ATP2C2: variants seen among roughly 807,000 people sequenced by gnomAD.
The protein encoded by ATP2C2 is calcium-transporting ATPase type 2C member 2.
A neutral mutation model predicts 110.8 loss-of-function variants in ATP2C2; 171 were observed. That is an observed-to-expected ratio of 1.54 (90% CI 1.36 to 1.75). The LOEUF is 1.75. Among genes scored for constraint, ATP2C2 ranks in the 40% most tolerant of loss-of-function variants. ATP2C2 has a pLI of 0.00. For synonymous variants in ATP2C2, 804 were observed against 508.4 expected (o/e 1.58, Z -7.82); for missense variants, 1,963 against 1,235.0 (o/e 1.59, Z -8.84).
At chr16:84,447,945 C>G (rs908046405) in intron 16 of ATP2C2, among the ~76,000 whole-genome samples, 3 of 151,474 alleles carry the variant, frequency 2.0e-5, no homozygotes, top group African/African-American at 7.3e-5. Flanking sequence ...ACACTGTGCA[C>G]CCACGTGAGC....
At chr16:84,391,151 A>G (rs985990051) in intron 1 of ATP2C2, among the ~76,000 whole-genome samples, 9 of 149,500 alleles carry the variant, frequency 6.0e-5, no homozygotes, top group African/African-American at 2.2e-4. Context: ...GAAGAAGGGA[A>G]GGTTTGGTTC....
intron 1 of ATP2C2, among the ~76,000 whole-genome samples, chr16:84,388,365 C>T (rs145046066): frequency 6.6e-6 from 1 of 152,128 alleles, no homozygotes. Context: ...CCTTTGAACA[C>T]ATCAGTCAGA....
chr16:84,424,254 G>A (rs1907602804), intron 10 of ATP2C2, among the ~76,000 whole-genome samples: 1 of 152,156 alleles, frequency 6.6e-6, no homozygotes, highest in African/African-American at 2.4e-5. Context: ...CATGTCCACA[G>A]CAAGACCCAT....
intron 1 of ATP2C2, among the ~76,000 whole-genome samples, chr16:84,378,826 G>T (rs1053448049): frequency 6.6e-6 from 1 of 152,228 alleles, no homozygotes; most frequent in African/African-American, 2.4e-5. Context: ...GACACACGAA[G>T]CCATGAACGT....
intron 17 of ATP2C2, among the ~76,000 whole-genome samples, chr16:84,450,061 G>T (rs753249059): frequency 6.6e-6 from 1 of 152,374 alleles, no homozygotes; most frequent in East Asian, 1.9e-4. Flanking sequence ...GTAATGACGC[G>T]TTCCAGGGAC....
chr16:84,378,004 A>T (rs1597728414), intron 1 of ATP2C2, among the ~76,000 whole-genome samples: 1 of 152,056 alleles, frequency 6.6e-6, no homozygotes, highest in African/African-American at 2.4e-5. Context: ...TCAGCAGAGG[A>T]TGTGTTGTTT....
chr16:84,389,878 G>A (rs1028343050), intron 1 of ATP2C2, among the ~76,000 whole-genome samples: 22 of 152,026 alleles, frequency 1.4e-4, no homozygotes, highest in African/African-American at 4.8e-4. Flanking sequence ...GTGCTATCAC[G>A]TTTGGCTAAC....
At chr16:84,432,962 C>T (rs1489093200) in intron 11 of ATP2C2, among the ~76,000 whole-genome samples, 2 of 152,200 alleles carry the variant, frequency 1.3e-5, no homozygotes, top group Admixed American at 1.3e-4. Context: ...GGCCAAGACA[C>T]CCGAACAGCA....
intron 1 of ATP2C2, among the ~76,000 whole-genome samples, chr16:84,384,536 G>C (rs1391949824): frequency 1.3e-5 from 2 of 152,142 alleles, no homozygotes; most frequent in East Asian, 3.9e-4. Flanking sequence ...CGTCTGCCAG[G>C]TTTCCCTTAA....
At chr16:84,417,753 A>G (rs529991174) in intron 7 of ATP2C2, among the ~76,000 whole-genome samples, 24 of 152,334 alleles carry the variant, frequency 1.6e-4, no homozygotes, top group Non-Finnish European at 4.4e-5. Flanking sequence ...CTGTGTATTG[A>G]TACCACGAAG....
intron 3 of ATP2C2, among the ~76,000 whole-genome samples, chr16:84,406,178 C>T (rs750808250): frequency 1.2e-4 from 18 of 152,114 alleles, no homozygotes; most frequent in African/African-American, 3.9e-4. Flanking sequence ...TCGGTGCTGG[C>T]GCGGTGCTGA....
At chr16:84,425,691 G>T in intron 10 of ATP2C2, 44 bp from the exon 11 acceptor site, 2 of 1,591,278 alleles carry the variant, frequency 1.3e-6, no homozygotes, top group Non-Finnish European at 1.7e-6. Flanking sequence ...GCATCAGCGT[G>T]TGTAGTGCAT....
intron 1 of ATP2C2, 76 bp downstream of exon 1, chr16:84,368,790 G>A: frequency 7.9e-7 from 1 of 1,259,480 alleles, no homozygotes; most frequent in Non-Finnish European, 1.1e-6. Context: ...CCCGGCCCGA[G>A]ACCCCGCGTT....
chr16:84,452,387 G>A (rs1327968778), intron 18 of ATP2C2, among the ~76,000 whole-genome samples: 1 of 151,982 alleles, frequency 6.6e-6, no homozygotes, highest in Non-Finnish European at 1.5e-5. Flanking sequence ...GCCATGTACA[G>A]TTTCAGTCTG....
At chr16:84,429,690 G>A (rs1169637969) in intron 11 of ATP2C2, among the ~76,000 whole-genome samples, 1 of 152,164 alleles carries the variant, frequency 6.6e-6, no homozygotes, top group Non-Finnish European at 1.5e-5. Flanking sequence ...GAGAGGCAGA[G>A]GCAGGTGGGA....
intron 3 of ATP2C2, among the ~76,000 whole-genome samples, chr16:84,405,471 C>G (rs1312444825): frequency 2.6e-5 from 4 of 152,024 alleles, no homozygotes; most frequent in Non-Finnish European, 2.9e-5. Flanking sequence ...AGGCCCCGGG[C>G]CCCACGCTAT....
intron 17 of ATP2C2, among the ~76,000 whole-genome samples, chr16:84,449,750 C>A (rs990496683): frequency 6.6e-6 from 1 of 152,220 alleles, no homozygotes; most frequent in African/African-American, 2.4e-5. Context: ...ACGTGGGTGG[C>A]AGCTGCTTTT....
intron 11 of ATP2C2, among the ~76,000 whole-genome samples, chr16:84,429,861 G>T (rs1399652563): frequency 1.3e-5 from 2 of 152,150 alleles, no homozygotes; most frequent in Non-Finnish European, 2.9e-5. Context: ...CCAGAAGTCC[G>T]AGGTCCAGGT....
At chr16:84,420,609 G>A (rs969666052) in intron 7 of ATP2C2, among the ~76,000 whole-genome samples, 7 of 151,644 alleles carry the variant, frequency 4.6e-5, no homozygotes, top group Non-Finnish European at 8.8e-5. Context: ...TGGGTACATC[G>A]GTCACAACTA....
Sources: allele counts gnomAD v4.1 joint callset (sites outside exome capture counted in the v4.1 genomes callset), GRCh38; gene constraint gnomAD v4.1.1; transcripts MANE v1.5; gene names NCBI Gene and HGNC (gene_info 2026-07-23, HGNC 2026-07-21).